Variants in AKAP7 observed in about 807,000 individuals in gnomAD.
The protein encoded by AKAP7 is A-kinase anchoring protein 7.
In AKAP7, 39 loss-of-function variants were observed where a neutral mutation model predicts 39.5. That is an observed-to-expected ratio of 0.99 (90% CI 0.76 to 1.29). The LOEUF (loss-of-function observed/expected upper bound fraction) is 1.29. Among genes scored for constraint, AKAP7 ranks in the 50% most tolerant of loss-of-function variants. The probability of loss-of-function intolerance (pLI) is 0.00; values close to 1 mark genes in which losing one functional copy is unlikely to be tolerated. For synonymous variants in AKAP7, 140 were observed against 139.1 expected (o/e 1.01, Z -0.05); for missense variants, 414 against 407.7 (o/e 1.02, Z -0.13).
chr6:131,160,368 C>T (rs910854395), intron 3 of AKAP7, among the ~76,000 whole-genome samples, 170 bp downstream of exon 3: 1 of 152,138 alleles, frequency 6.6e-6, no homozygotes, highest in African/African-American at 2.4e-5. Flanking sequence ...ATTTAAACAA[C>T]AGGTTTGGAA....
At chr6:131,173,202 A>G (rs1420313757) in intron 5 of AKAP7, among the ~76,000 whole-genome samples, 5 of 29,940 alleles carry the variant, frequency 1.7e-4, no homozygotes, top group Non-Finnish European at 2.5e-4. Context: ...CTCCATCTCA[A>G]AAAAAAAAAA....
At position 131,160,247 on chromosome 6, in the gene AKAP7, T is replaced by TA; in HGVS notation, c.291+52dup. 7.5e-6 allele frequency: 11 copies of TA among 1,475,006 alleles called. No homozygotes were observed. The South Asian group carries it at 1.3e-4, about 18-fold the overall frequency. 91.4% of individuals were successfully genotyped at this position (1,475,006 alleles called of 1,614,324 possible). On this transcript the variant is annotated intron_variant, in intron 3 of 7. Transcript: ENST00000431975. ...TTACTGTGAAATTTTATTCTAAATT[T>TA]AAAGTACAACTAAATGCTTATTAGC...
intron 7 of AKAP7, among the ~76,000 whole-genome samples, chr6:131,265,157 CAG>C (rs1253329159): frequency 6.6e-6 from 1 of 152,022 alleles, no homozygotes; most frequent in Non-Finnish European, 1.5e-5. Context: ...TTTTTTGAGA[CAG>C]AGTCTTGCTC....
chr6:131,202,921 G>A (rs1002789256), intron 6 of AKAP7, among the ~76,000 whole-genome samples: 1 of 151,978 alleles, frequency 6.6e-6, no homozygotes, highest in African/African-American at 2.4e-5. Context: ...CTTAGATATG[G>A]GGATTCGCAA....
chr6:131,274,843 C>T (rs1409072022), intron 7 of AKAP7, among the ~76,000 whole-genome samples: 1 of 152,170 alleles, frequency 6.6e-6, no homozygotes, highest in Non-Finnish European at 1.5e-5. Flanking sequence ...ATATGCCTTT[C>T]TTATGTCTGG....
rs1482203014 is a variant in AKAP7, at chr6:131,219,589, G to A, written c.703-72G>A. ...TAGTAATGTAATAATCAGGTTCAAA[G>A]AAAGTGATGTAGTTATGAACTGGCT... On this transcript the variant is annotated intron_variant, in intron 6 of 7. Coordinates refer to ENST00000431975, the MANE Select transcript of AKAP7 (RefSeq NM_016377.4). 3 of 1,387,360 alleles carry A rather than the reference G, an allele frequency of 2.2e-6. No homozygotes were observed. In the African/African-American group the frequency reaches 4.5e-5, roughly 21 times the overall value. The allele number at this position is 1,387,360 out of a possible 1,614,324, so 85.9% of individuals were successfully genotyped here.
At chr6:131,197,448 A>G (rs1170323071) in intron 5 of AKAP7, among the ~76,000 whole-genome samples, 1 of 152,076 alleles carries the variant, frequency 6.6e-6, no homozygotes, top group Non-Finnish European at 1.5e-5. Context: ...ATTTCTTCAT[A>G]TATTTTCTCT....
chr6:131,278,354 T>C (rs1301342926), intron 7 of AKAP7, among the ~76,000 whole-genome samples: 1 of 152,218 alleles, frequency 6.6e-6, no homozygotes, highest in African/African-American at 2.4e-5. Flanking sequence ...TTTGTATCCT[T>C]ATAGATCCTC....
chr6:131,174,616 G>A (rs1804400055), intron 5 of AKAP7, among the ~76,000 whole-genome samples: 1 of 152,208 alleles, frequency 6.6e-6, no homozygotes, highest in African/African-American at 2.4e-5. Context: ...CTTAGGATTA[G>A]TGCCACTTTA....
chr6:131,177,370 C>A (rs1338656019), intron 5 of AKAP7, among the ~76,000 whole-genome samples: 1 of 152,062 alleles, frequency 6.6e-6, no homozygotes, highest in Non-Finnish European at 1.5e-5. Flanking sequence ...CAAAACATGG[C>A]AGAGAAGTGG....
intron 6 of AKAP7, among the ~76,000 whole-genome samples, chr6:131,217,185 T>A (rs1809266489): frequency 6.6e-6 from 1 of 152,136 alleles, no homozygotes; most frequent in South Asian, 2.1e-4. Flanking sequence ...TCTGGGAGGA[T>A]GATGCTTCTG....
rs143230729 is a variant in AKAP7 at position 131,196,368 on chromosome 6, C to T, written c.590-3093C>T. On this transcript the variant is annotated intron_variant, in intron 5 of 7. Transcript: ENST00000431975. ...GCAACCTCCGCCTCCCAGGTTTAAG[C>T]GATTTTCCTTCCTCTGCCTCCTGAA... 4.0e-5 allele frequency among the ~76,000 whole-genome samples: 6 copies of T among 150,822 alleles called. No individual in the cohort carries two copies. In the East Asian group the frequency reaches 9.8e-4, roughly 25 times the overall value.
At chr6:131,245,069 GGACTT>G (rs751819838) in intron 7 of AKAP7, among the ~76,000 whole-genome samples, 42 of 152,080 alleles carry the variant, frequency 2.8e-4, no homozygotes, top group Non-Finnish European at 3.8e-4. Flanking sequence ...ATTAAGAACA[GGACTT>G]AACCAGTGAG....
chr6:131,198,556 C>G (rs569419045), intron 5 of AKAP7, among the ~76,000 whole-genome samples: 140 of 152,142 alleles, frequency 9.2e-4, no homozygotes, highest in Middle Eastern at 6.8e-3. Context: ...GAGTACCAGT[C>G]CAGAGTTAAT....
chr6:131,189,341 CT>C (rs1271764486), intron 5 of AKAP7, among the ~76,000 whole-genome samples: 1 of 152,156 alleles, frequency 6.6e-6, no homozygotes, highest in Non-Finnish European at 1.5e-5. Context: ...AACTTAATTC[CT>C]TTTAGCATTC....
intron 4 of AKAP7, among the ~76,000 whole-genome samples, chr6:131,168,608 G>A (rs867245469): frequency 1.1e-4 from 16 of 152,266 alleles, no homozygotes; most frequent in Middle Eastern, 3.4e-3. Context: ...TATTTTATTT[G>A]AGTCTAAGTA....
chr6:131,179,614 T>C (rs1376143626), intron 5 of AKAP7, among the ~76,000 whole-genome samples: 1 of 152,178 alleles, frequency 6.6e-6, no homozygotes, highest in Non-Finnish European at 1.5e-5. Flanking sequence ...GCTCACATAA[T>C]CCCAGCACTC....
intron 7 of AKAP7, among the ~76,000 whole-genome samples, chr6:131,250,891 C>A (rs180960587): frequency 1.3e-5 from 2 of 152,314 alleles, no homozygotes; most frequent in Admixed American, 1.3e-4. Context: ...TCATTTTTAT[C>A]CCACTACATT....
chr6:131,215,451 G>A (rs182932110), intron 6 of AKAP7, among the ~76,000 whole-genome samples: 35 of 152,348 alleles, frequency 2.3e-4, no homozygotes, highest in African/African-American at 8.4e-4. Context: ...TCAAGAACAG[G>A]CTGGGGTGGA....
Sources: allele counts gnomAD v4.1 joint callset (sites outside exome capture counted in the v4.1 genomes callset), GRCh38; gene constraint gnomAD v4.1.1; transcripts MANE v1.5; gene names NCBI Gene and HGNC (gene_info 2026-07-23, HGNC 2026-07-21).